The following NELL2 variants were observed in gnomAD, a reference collection of about 807,000 sequenced individuals.
The protein encoded by NELL2 is neural EGFL like 2, also known as protein kinase C-binding protein NELL2.
In NELL2, 41 loss-of-function variants were observed where a neutral mutation model predicts 109.6. That is an observed-to-expected ratio of 0.37 (90% CI 0.29 to 0.49). The LOEUF is 0.49. Among genes scored for constraint, NELL2 ranks in the 20% least tolerant of loss-of-function variants. The probability of loss-of-function intolerance (pLI) is 0.98; values close to 1 mark genes in which losing one functional copy is unlikely to be tolerated. For synonymous variants in NELL2, 355 were observed against 344.7 expected (o/e 1.03, Z -0.33); for missense variants, 900 against 1,008.3 (o/e 0.89, Z 1.45).
chr12:44,633,682 G>A (rs922045117), intron 13 of NELL2, among the ~76,000 whole-genome samples: 2 of 152,142 alleles, frequency 1.3e-5, no homozygotes, highest in East Asian at 3.9e-4. Flanking sequence ...ATAATGAATA[G>A]TAGATTCATA....
At chr12:44,863,574 A>G (rs191420369) in intron 2 of NELL2, among the ~76,000 whole-genome samples, 123 of 152,302 alleles carry the variant, frequency 8.1e-4, no homozygotes, top group Non-Finnish European at 1.2e-3. Flanking sequence ...CCCTTCAACA[A>G]TGAAGGAGAG....
chr12:44,618,813 T>G (rs192448839), intron 13 of NELL2, among the ~76,000 whole-genome samples: 30 of 152,326 alleles, frequency 2.0e-4, no homozygotes, highest in African/African-American at 6.7e-4. Flanking sequence ...GCTAAATTCT[T>G]AAGTGCTTAC....
At chr12:44,594,074 G>C (rs998236385) in intron 15 of NELL2, among the ~76,000 whole-genome samples, 3 of 151,766 alleles carry the variant, frequency 2.0e-5, no homozygotes, top group Admixed American at 6.6e-5. Context: ...TTTATGTGGC[G>C]GGGGGGAGTC....
chr12:44,528,097 C>CAA (rs71093812), intron 16 of NELL2, among the ~76,000 whole-genome samples: 697 of 21,986 alleles, frequency 0.032, 155 homozygotes, highest in African/African-American at 0.058. Context: ...GACTCCGTCT[C>CAA]AAAAAAAAAA....
At position 44,742,302 on chromosome 12, in the gene NELL2, C is replaced by A. The variant is rs575588130; in HGVS notation, c.995-27561G>T. On this transcript the variant is annotated intron_variant, in intron 9 of 19. Transcript: ENST00000429094. ...CAGAAAGGACATCCACACCAAAAACCCATCTGTACATCACCATCATCAAAG... is the reference window on the plus strand; with the variant it reads ...CAGAAAGGACATCCACACCAAAAACACATCTGTACATCACCATCATCAAAG... 5.9e-4 allele frequency among the ~76,000 whole-genome samples: 90 copies of A among 152,234 alleles called. 3 individuals carry two copies. The East Asian group carries it at 0.017, about 29-fold the overall frequency.
At chr12:44,657,299 T>C (rs566542598) in intron 13 of NELL2, among the ~76,000 whole-genome samples, 3 of 152,252 alleles carry the variant, frequency 2.0e-5, no homozygotes, top group South Asian at 2.1e-4. Context: ...CATTTAATAT[T>C]TCACTGGAGA....
At chr12:44,537,701 A>C (rs1404476133) in intron 15 of NELL2, among the ~76,000 whole-genome samples, 1 of 152,100 alleles carries the variant, frequency 6.6e-6, no homozygotes, top group Non-Finnish European at 1.5e-5. Flanking sequence ...GATTATCTGA[A>C]ACATTTTTTT....
chr12:44,896,176 T>A (rs11182738), intron 1 of NELL2, among the ~76,000 whole-genome samples: 3,002 of 152,248 alleles, frequency 0.02, 86 homozygotes, highest in East Asian at 0.15. Flanking sequence ...TTTTTTAAAG[T>A]CTAAAAGTTG....
intron 9 of NELL2, among the ~76,000 whole-genome samples, chr12:44,715,213 A>C (rs1190573297): frequency 6.6e-6 from 1 of 150,562 alleles, no homozygotes; most frequent in Non-Finnish European, 1.5e-5. Context: ...CATCCATGTA[A>C]GTTTTAAGTT....
chr12:44,638,455 G>T (rs1180934045), intron 13 of NELL2, among the ~76,000 whole-genome samples: 1 of 152,068 alleles, frequency 6.6e-6, no homozygotes, highest in Non-Finnish European at 1.5e-5. Context: ...CTAGCTAAGG[G>T]TAATAAAATG....
chr12:44,773,951 T>C (rs1451689610), intron 9 of NELL2, among the ~76,000 whole-genome samples: 1 of 152,166 alleles, frequency 6.6e-6, no homozygotes, highest in African/African-American at 2.4e-5. Context: ...TTTGAGAGTA[T>C]ACATATAAAT....
At chr12:44,703,997 A>G (rs994215699) in intron 11 of NELL2, 143 bp from the exon 12 acceptor site, 1 of 661,052 alleles carries the variant, frequency 1.5e-6, no homozygotes, top group Admixed American at 3.0e-5. Flanking sequence ...TTACAGAAGA[A>G]TCACATGCTA....
At chr12:44,587,307 A>ATATATTTTTT (rs1302978950) in intron 15 of NELL2, among the ~76,000 whole-genome samples, 2 of 96,642 alleles carry the variant, frequency 2.1e-5, no homozygotes, top group African/African-American at 8.4e-5. Flanking sequence ...ATATATATAT[A>ATATATTTTTT]TTTTTTTTTA....
chr12:44,876,846 T>G (rs1311859469), upstream of NELL2: 1 of 1,307,192 alleles, frequency 7.6e-7, no homozygotes, highest in East Asian at 2.9e-5. Flanking sequence ...GCAAAGTAGG[T>G]AGAGACTGGT....
intron 15 of NELL2, among the ~76,000 whole-genome samples, chr12:44,585,815 C>T (rs1009171612): frequency 2.0e-5 from 3 of 151,520 alleles, no homozygotes; most frequent in African/African-American, 7.3e-5. Context: ...TGGTGTCTGG[C>T]GGCTGGGGGC....
chr12:44,760,776 AAG>A (rs1227542794), intron 9 of NELL2, among the ~76,000 whole-genome samples: 5 of 152,156 alleles, frequency 3.3e-5, no homozygotes, highest in African/African-American at 1.2e-4. Context: ...AAAATAAAAA[AAG>A]AAGGGGACAT....
intron 15 of NELL2, among the ~76,000 whole-genome samples, chr12:44,546,526 A>G (rs1366460374): frequency 6.6e-6 from 1 of 152,314 alleles, no homozygotes; most frequent in East Asian, 1.9e-4. Flanking sequence ...ACTCCTTCCA[A>G]TTAAAATTAC....
intron 15 of NELL2, among the ~76,000 whole-genome samples, chr12:44,582,647 G>C (rs1426368036): frequency 6.6e-6 from 1 of 152,064 alleles, no homozygotes. Flanking sequence ...AGTTATAGGT[G>C]AGGATAAGGT....
chr12:44,759,279 C>T (rs566550445), intron 9 of NELL2, among the ~76,000 whole-genome samples: 1 of 152,292 alleles, frequency 6.6e-6, no homozygotes, highest in East Asian at 1.9e-4. Context: ...TTCAATGTGA[C>T]TTTACAGGTT....
Sources: allele counts gnomAD v4.1 joint callset (sites outside exome capture counted in the v4.1 genomes callset), GRCh38; gene constraint gnomAD v4.1.1; transcripts MANE v1.5; gene names NCBI Gene and HGNC (gene_info 2026-07-23, HGNC 2026-07-21).